PTPRM: variants seen among roughly 807,000 people sequenced by gnomAD.
PTPRM encodes receptor-type tyrosine-protein phosphatase mu.
PTPRM carries 47 observed loss-of-function variants against 186.7 expected under a neutral mutation model. The observed-to-expected ratio is 0.25, with a 90% CI of 0.20 to 0.32. The LOEUF is 0.32. Among genes scored for constraint, PTPRM ranks in the 10% least tolerant of loss-of-function variants. The pLI, the probability that PTPRM is intolerant of heterozygous loss-of-function variation, is 1.00. For missense variants in PTPRM, 1,494 were observed against 1,865.0 expected (o/e 0.80, Z 3.66); for synonymous variants, 668 against 674.9 (o/e 0.99, Z 0.16).
At chr18:7,575,678 G>GT (rs1175775220) in intron 1 of PTPRM, among the ~76,000 whole-genome samples, 6 of 152,180 alleles carry the variant, frequency 3.9e-5, no homozygotes, top group African/African-American at 1.4e-4. Context: ...GGGCCTTCTT[G>GT]TAGTAGACCA....
chr18:8,106,843 CG>C (rs2091543096), intron 11 of PTPRM, among the ~76,000 whole-genome samples: 1 of 152,194 alleles, frequency 6.6e-6, no homozygotes, highest in African/African-American at 2.4e-5. Flanking sequence ...CACCTGTGGA[CG>C]GTGATTCCCA....
At chr18:7,774,754 G>A (rs981026720) in intron 2 of PTPRM, among the ~76,000 whole-genome samples, 4 of 152,176 alleles carry the variant, frequency 2.6e-5, no homozygotes, top group Admixed American at 6.5e-5. Context: ...AAAAATGTGG[G>A]TATTTTTTCC....
chr18:8,022,063 A>G (rs2085270398), intron 7 of PTPRM, among the ~76,000 whole-genome samples: 1 of 152,226 alleles, frequency 6.6e-6, no homozygotes, highest in African/African-American at 2.4e-5. Flanking sequence ...GAAAATAAGA[A>G]TACAGGCCTG....
At chr18:8,204,699 G>C (rs1453814756) in intron 14 of PTPRM, among the ~76,000 whole-genome samples, 2 of 151,476 alleles carry the variant, frequency 1.3e-5, no homozygotes, top group Non-Finnish European at 1.5e-5. Context: ...ACTTGGACTT[G>C]ATACAGAAAA....
At chr18:7,985,892 G>A (rs2147547171) in intron 7 of PTPRM, among the ~76,000 whole-genome samples, 1 of 152,112 alleles carries the variant, frequency 6.6e-6, no homozygotes, top group South Asian at 2.1e-4. Context: ...GTGTCCAGGG[G>A]ATAGGTGGAC....
intron 14 of PTPRM, among the ~76,000 whole-genome samples, chr18:8,179,579 C>T (rs1012564074): frequency 2.6e-5 from 4 of 151,956 alleles, no homozygotes; most frequent in Non-Finnish European, 5.9e-5. Flanking sequence ...AAGCAATTCT[C>T]CTGCCTCAGT....
At chr18:7,742,498 T>G (rs2040903127) in intron 1 of PTPRM, among the ~76,000 whole-genome samples, 1 of 152,076 alleles carries the variant, frequency 6.6e-6, no homozygotes. Flanking sequence ...GCCAGGAAAT[T>G]GGGTGGATAA....
Position 7,807,722 on chromosome 18 carries a change from A to G in PTPRM, c.196+33451A>G, listed in dbSNP as rs2044303193. 3.3e-5 allele frequency among the ~76,000 whole-genome samples: 5 copies of G among 152,360 alleles called. No homozygotes were observed. In the South Asian group the frequency reaches 8.3e-4, roughly 25 times the overall value. ...AAAGATAAACATAGCATAATTGGCT[A>G]AGACTAGGATCATGACGTGATGTGT... On this transcript the variant is annotated intron_variant, in intron 2 of 32. Coordinates refer to ENST00000580170, the MANE Select transcript of PTPRM (RefSeq NM_001105244.2).
At chr18:7,637,432 G>A (rs1339915060) in intron 1 of PTPRM, among the ~76,000 whole-genome samples, 1 of 152,118 alleles carries the variant, frequency 6.6e-6, no homozygotes, top group African/African-American at 2.4e-5. Context: ...GTCCACAGTA[G>A]AAAAGGTTAA....
intron 1 of PTPRM, among the ~76,000 whole-genome samples, chr18:7,693,283 C>T (rs966064111): frequency 2.0e-5 from 3 of 152,154 alleles, no homozygotes; most frequent in African/African-American, 4.8e-5. Context: ...ATTCTTCTTA[C>T]CATCCTTATG....
chr18:8,012,976 G>C (rs1005961530), intron 7 of PTPRM, among the ~76,000 whole-genome samples: 4 of 152,086 alleles, frequency 2.6e-5, no homozygotes, highest in African/African-American at 9.7e-5. Flanking sequence ...GGAGGAGGAA[G>C]AGTGGTAGCA....
intron 1 of PTPRM, among the ~76,000 whole-genome samples, chr18:7,630,395 C>G (rs1237855306): frequency 6.6e-6 from 1 of 152,052 alleles, no homozygotes; most frequent in African/African-American, 2.4e-5. Context: ...GCCTGGATGT[C>G]CCTGTGACTT....
intron 19 of PTPRM, among the ~76,000 whole-genome samples, chr18:8,275,019 C>T (rs1367950097): frequency 2.0e-5 from 3 of 151,962 alleles, no homozygotes; most frequent in African/African-American, 7.3e-5. Flanking sequence ...TGGTAGATGC[C>T]GTAAGAAAAT....
intron 14 of PTPRM, among the ~76,000 whole-genome samples, chr18:8,207,816 G>A (rs976112655): frequency 3.3e-5 from 5 of 152,140 alleles, no homozygotes; most frequent in African/African-American, 1.2e-4. Context: ...CAAAGAGAGG[G>A]ACTGATTTTA....
At chr18:7,960,181 G>C (rs901840442) in intron 7 of PTPRM, among the ~76,000 whole-genome samples, 9 of 152,026 alleles carry the variant, frequency 5.9e-5, no homozygotes, top group Non-Finnish European at 1.2e-4. Context: ...GGCCCCAGGA[G>C]CTAACGAAGG....
chr18:8,126,832 C>A (rs1035918646), intron 13 of PTPRM, among the ~76,000 whole-genome samples: 1 of 151,870 alleles, frequency 6.6e-6, no homozygotes, highest in African/African-American at 2.4e-5. Context: ...TACAAAGGTC[C>A]GGTGGTGTGA....
intron 2 of PTPRM, among the ~76,000 whole-genome samples, chr18:7,821,571 G>A (rs1347406266): frequency 6.6e-6 from 1 of 151,902 alleles, no homozygotes; most frequent in East Asian, 1.9e-4. Context: ...TTTTTCCTAT[G>A]CATATATACC....
rs1391231828 is a variant in PTPRM at position 7,568,506 on chromosome 18, T to C, written c.73+615T>C. The stretch of plus-strand genomic sequence containing the variant: ...GAGGCTGGGGGGAGTTCCTCGCCGG[T>C]CCCAGCGGTAGGGCTTGGCGGCCGC... On this transcript the variant is annotated intron_variant, in intron 1 of 32. Transcript: ENST00000580170. The surrounding 1 kb of genome is among the most constrained non-coding windows in gnomAD (Gnocchi z 5.1). Among the ~76,000 whole-genome samples the C allele has an allele frequency of 1.3e-5, 2 of 151,994 alleles. No individual in the cohort carries two copies. The highest frequency in any genetic ancestry group is 4.8e-5 in the African/African-American group (2 of 41,424).
At chr18:8,380,526 CA>C in intron 29 of PTPRM, 99 bp downstream of exon 29, 1 of 1,410,380 alleles carries the variant, frequency 7.1e-7, no homozygotes, top group Non-Finnish European at 9.8e-7. Context: ...GCCCTAGTGC[CA>C]GATCTCAAGT....
Sources: gnomAD v4.1 joint callset for allele counts (sites outside exome capture counted in the v4.1 genomes callset) on GRCh38, gnomAD v4.1.1 for gene constraint, Gnocchi (gnomAD v3.1) non-coding constraint, MANE v1.5 for transcripts, NCBI Gene and HGNC (gene_info 2026-07-23, HGNC 2026-07-21) for gene names.